The following VWA3A variants were observed in gnomAD, a reference collection of about 807,000 sequenced individuals.
VWA3A encodes the protein von Willebrand factor A domain containing 3A.
In VWA3A, 134 loss-of-function variants were observed where a neutral mutation model predicts 160.4. That is an observed-to-expected ratio of 0.84 (90% confidence interval 0.73 to 0.96). The LOEUF is 0.96. Ranked by LOEUF, VWA3A falls within the 40% of genes least tolerant of loss-of-function variation. VWA3A has a pLI of 0.00. For missense variants in VWA3A, 1,310 were observed against 1,447.9 expected, an observed-to-expected ratio of 0.90 and a Z score of 1.55; for synonymous variants, 476 against 543.4, an observed-to-expected ratio of 0.88 and a Z score of 1.72.
Position 22,138,373 on chromosome 16 carries a change from T to A in VWA3A, c.2153T>A (p.Met718Lys). ...ATCCCACTGCAGTGTGCCTTCCTCA[T>A]GGCCTCCCTGAAGAACCATTCAGGA... ...LNYSQKCAFL[M>K]ASLKNHSGKV... The change falls in exon 22 of 34, where the codon ATG becomes AAG. Residue 718 changes from methionine to lysine, a missense_variant. Coordinates refer to ENST00000389398, the MANE Select transcript of VWA3A (RefSeq NM_173615.5). The A allele has an allele frequency of 6.3e-7, 1 of 1,595,782 alleles. No homozygotes were observed. The highest frequency in any genetic ancestry group is 8.5e-7 in the Non-Finnish European group (1 of 1,171,472).
rs2046122084 is a variant in VWA3A at position 22,140,246 on chromosome 16, T to C, written c.2383+2T>C. The C allele has an allele frequency of 6.2e-7, 1 of 1,613,202 alleles. No homozygotes were observed. The highest frequency in any genetic ancestry group is 2.2e-5 in the East Asian group (1 of 44,864). On this transcript the variant is annotated splice_donor_variant, in intron 23 of 33. Coordinates refer to ENST00000389398, the MANE Select transcript of VWA3A (RefSeq NM_173615.5). LOFTEE classifies it high-confidence loss of function. Reference sequence around the variant, plus strand: ...GTAGCAGAGTTGGCATCTCACCAGGTAAGGCACCATCACGGTCAGGCAGGG... The same window carrying C: ...GTAGCAGAGTTGGCATCTCACCAGGCAAGGCACCATCACGGTCAGGCAGGG...
chr16:22,135,658 C>A (rs2046027157), intron 21 of VWA3A, among the ~76,000 whole-genome samples: 1 of 152,160 alleles, frequency 6.6e-6, no homozygotes, highest in African/African-American at 2.4e-5. Context: ...CTTTGAGTTC[C>A]TTAAACACGT....
At chr16:22,093,034 T>G (rs1901391188) in intron 1 of VWA3A, among the ~76,000 whole-genome samples, 1 of 152,118 alleles carries the variant, frequency 6.6e-6, no homozygotes, top group Non-Finnish European at 1.5e-5. Flanking sequence ...ATGGCCTGGT[T>G]GTTCTTTTCC....
intron 8 of VWA3A, among the ~76,000 whole-genome samples, chr16:22,114,800 A>C (rs1319394048): frequency 1.1e-4 from 15 of 133,312 alleles, no homozygotes; most frequent in African/African-American, 3.9e-4. Context: ...CTATCTCTCT[A>C]TTTTTTTTTT....
rs547288912 is a variant in VWA3A, at chr16:22,149,657, G to A, written c.2985-130G>A. 5 of 1,182,410 alleles carry A rather than the reference G, an allele frequency of 4.2e-6. No individual in the cohort carries two copies. In the African/African-American group the frequency reaches 6.3e-5, roughly 15 times the overall value. The allele number at this position is 1,182,410 out of a possible 1,614,324, so 73.2% of individuals were successfully genotyped here. A position where few individuals can be genotyped will look rare whatever the true frequency, so the allele number is the denominator to read the frequency against. ...TGAGGGGCCACAGGGCTCGTTGTAG[G>A]GGTCTTCAGTGACGAGCAAGAATAG... is the stretch of plus-strand genomic sequence containing the variant. On this transcript the variant is annotated intron_variant, in intron 28 of 33. Transcript: ENST00000389398.
intron 8 of VWA3A, among the ~76,000 whole-genome samples, chr16:22,115,103 G>A (rs1054936237): frequency 6.6e-6 from 1 of 151,896 alleles, no homozygotes; most frequent in South Asian, 2.1e-4. Context: ...CACCATGCCC[G>A]GCCCTCTACA....
chr16:22,112,196 T>C (rs2045561913), intron 8 of VWA3A, among the ~76,000 whole-genome samples: 1 of 152,192 alleles, frequency 6.6e-6, no homozygotes, highest in Admixed American at 6.5e-5. Context: ...GAATTTCTAC[T>C]TATCCAGTGA....
At position 22,121,578 on chromosome 16, in the gene VWA3A, A is replaced by C. The variant is rs916832446; in HGVS notation, c.1317A>C (p.Val439=). ...CATTCTCTCCTGTGGAGGAATTTGTACCTATTCTCCAGAAAACAGTATCAT... is the reference window on the plus strand; with the variant it reads ...CATTCTCTCCTGTGGAGGAATTTGTCCCTATTCTCCAGAAAACAGTATCAT... ...PNAFSPVEEF[V]PILQKTVSST... Residue 439 remains valine (V), a synonymous_variant, in exon 14 of 34, where the codon GTA becomes GTC. Transcript: ENST00000389398. The C allele has an allele frequency of 6.2e-7, 1 of 1,613,484 alleles. No homozygotes were observed. Among genetic ancestry groups the C allele is most frequent in the Admixed American group, 1.7e-5 (1 of 59,990 alleles).
intron 24 of VWA3A, among the ~76,000 whole-genome samples, chr16:22,142,009 AG>A (rs2046160035): frequency 6.6e-6 from 1 of 152,214 alleles, no homozygotes; most frequent in Admixed American, 6.5e-5. Context: ...TGATTCCCCT[AG>A]GCCAGCCTGA....
In VWA3A at chr16:22,126,218, T is replaced by C. The variant is rs774035827; in HGVS notation, c.1573T>C (p.Tyr525His). The change falls in exon 17 of 34, where the codon TAC becomes CAC. Residue 525 changes from tyrosine to histidine, a missense_variant. Transcript: ENST00000389398. Reference sequence around the variant, plus strand: ...CGATATCTCTGCGACCAATTCCATGTACATTATTCATATCCAGCACTCCCT... The same window carrying C: ...CGATATCTCTGCGACCAATTCCATGCACATTATTCATATCCAGCACTCCCT... ...LLDISATNSM[Y>H]IIHIQHSLRL... 1 of 1,613,994 alleles carries C rather than the reference T, an allele frequency of 6.2e-7. No individual in the cohort carries two copies. The highest frequency in any genetic ancestry group is 8.5e-7 in the Non-Finnish European group (1 of 1,179,886).
chr16:22,138,671 A>G, intron 22 of VWA3A, 159 bp downstream of exon 22: 1 of 956,682 alleles, frequency 1.0e-6, no homozygotes, highest in South Asian at 1.9e-5. Flanking sequence ...CCAGGGGGAA[A>G]ATCTCCCGCG....
chr16:22,110,240 C>A (rs992109089), intron 7 of VWA3A, among the ~76,000 whole-genome samples: 1 of 152,188 alleles, frequency 6.6e-6, no homozygotes, highest in Non-Finnish European at 1.5e-5. Flanking sequence ...AGTGAGAAGT[C>A]TGGCCTAGAG....
Position 22,121,034 on chromosome 16 carries a change from C to T in VWA3A, c.1183C>T (p.Pro395Ser), listed in dbSNP as rs370640254. The T allele has an allele frequency of 5.6e-6, 9 of 1,613,858 alleles. No homozygotes were observed. Among genetic ancestry groups the T allele is most frequent in the African/African-American group, 1.3e-5 (1 of 74,918 alleles). ...GCCTAAACCCCCAAAGCATGACGCT[C>T]CTCTCACCATTGAGTTTCCAAACTT... ...LLPKPPKHDA[P>S]LTIEFPNLDK... Residue 395 changes from proline to serine, a missense_variant, in exon 13 of 34, where the codon CCT (proline) becomes TCT (serine). Physicochemically the swap from Pro to Ser is moderately conservative, Grantham distance 74. Coordinates refer to ENST00000389398, the MANE Select transcript of VWA3A (RefSeq NM_173615.5).
At chr16:22,144,439 T>C (rs1286266180) in intron 26 of VWA3A, 55 bp downstream of exon 26, 43 of 1,600,538 alleles carry the variant, frequency 2.7e-5, no homozygotes, top group Non-Finnish European at 3.6e-5. Flanking sequence ...CAGCTGCAAA[T>C]GGCAGAGAGC....
At chr16:22,116,710 C>T in intron 9 of VWA3A, 49 bp from the exon 10 acceptor site, 1 of 1,449,646 alleles carries the variant, frequency 6.9e-7, no homozygotes. Context: ...GGAATGTTCT[C>T]AAAGTGGTCT....
At chr16:22,111,550 C>T (rs1047920966) in intron 8 of VWA3A, among the ~76,000 whole-genome samples, 4 of 151,806 alleles carry the variant, frequency 2.6e-5, no homozygotes, top group East Asian at 1.9e-4. Flanking sequence ...GGTATGATCT[C>T]GGCTCAATGC....
chr16:22,117,057 A>C, intron 10 of VWA3A, 54 bp from the exon 11 acceptor site: 2 of 1,538,808 alleles, frequency 1.3e-6, no homozygotes, highest in South Asian at 2.4e-5. Flanking sequence ...GAGAAGGCTT[A>C]CTGGAGTATT....
chr16:22,100,568 C>T, intron 5 of VWA3A, 75 bp downstream of exon 5: 1 of 1,412,096 alleles, frequency 7.1e-7, no homozygotes, highest in South Asian at 1.2e-5. Context: ...GGCATGGTGG[C>T]TTATACCTGT....
chr16:22,111,442 C>G (rs1382698919), intron 8 of VWA3A, among the ~76,000 whole-genome samples: 1 of 152,076 alleles, frequency 6.6e-6, no homozygotes, highest in Middle Eastern at 3.2e-3. Context: ...ACCTCAGCCT[C>G]CTGAGTAGTT....
Sources: allele counts gnomAD v4.1 joint callset (sites outside exome capture counted in the v4.1 genomes callset), GRCh38; gene constraint gnomAD v4.1.1; transcripts MANE v1.5; gene names NCBI Gene and HGNC (gene_info 2026-07-23, HGNC 2026-07-21).